SLC2A13: variants seen among roughly 807,000 people sequenced by gnomAD.
SLC2A13 encodes solute carrier family 2 member 13.
In SLC2A13, 32 loss-of-function variants were observed where a neutral mutation model predicts 64.4. The ratio of observed to expected loss-of-function variants is 0.50; its 90% confidence interval spans 0.37 to 0.67. The LOEUF is 0.67. Ranked by LOEUF, SLC2A13 falls within the 30% of genes least tolerant of loss-of-function variation. The probability of loss-of-function intolerance (pLI) is 0.00; values close to 1 mark genes in which losing one functional copy is unlikely to be tolerated. For missense variants in SLC2A13, 743 were observed against 829.2 expected, an observed-to-expected ratio of 0.90 and a Z score of 1.28; for synonymous variants, 338 against 327.1, an observed-to-expected ratio of 1.03 and a Z score of -0.36.
At chr12:39,837,799 T>A (rs1357386331) in intron 6 of SLC2A13, among the ~76,000 whole-genome samples, 1 of 152,162 alleles carries the variant, frequency 6.6e-6, no homozygotes, top group East Asian at 1.9e-4. Context: ...AGATACCATC[T>A]CACACCAGTT....
chr12:39,897,968 G>A (rs187085582), intron 4 of SLC2A13, among the ~76,000 whole-genome samples: 28 of 151,974 alleles, frequency 1.8e-4, no homozygotes, highest in Admixed American at 1.1e-3. Flanking sequence ...TTTATTATAT[G>A]CTTGGCACAT....
At chr12:39,790,376 C>T (rs1411170457) in intron 7 of SLC2A13, among the ~76,000 whole-genome samples, 2 of 119,820 alleles carry the variant, frequency 1.7e-5, no homozygotes, top group South Asian at 6.6e-4. Flanking sequence ...CCCCCTCCCC[C>T]CACCCCACCA....
chr12:39,800,161 T>C (rs1312521014), intron 7 of SLC2A13, among the ~76,000 whole-genome samples: 1 of 152,204 alleles, frequency 6.6e-6, no homozygotes, highest in Non-Finnish European at 1.5e-5. Context: ...TAATATAACT[T>C]TAAATCCTTG....
At chr12:40,081,842 T>C (rs1938413660) in intron 1 of SLC2A13, among the ~76,000 whole-genome samples, 1 of 152,244 alleles carries the variant, frequency 6.6e-6, no homozygotes, top group Admixed American at 6.5e-5. Flanking sequence ...CTGTCCTTCA[T>C]ATAGGGCTTT....
intron 7 of SLC2A13, among the ~76,000 whole-genome samples, chr12:39,787,998 G>A (rs767862871): frequency 6.6e-6 from 1 of 152,124 alleles, no homozygotes; most frequent in Non-Finnish European, 1.5e-5. Flanking sequence ...CAAGGAATGA[G>A]AATGTAGTAA....
intron 1 of SLC2A13, among the ~76,000 whole-genome samples, chr12:40,085,040 C>T (rs12300008): frequency 0.014 from 2,086 of 152,220 alleles, 48 homozygotes; most frequent in African/African-American, 0.046. Flanking sequence ...GATTATGACA[C>T]TTCTTTAAAA....
chr12:40,046,496 T>C (rs1948173349), intron 2 of SLC2A13, among the ~76,000 whole-genome samples: 1 of 152,212 alleles, frequency 6.6e-6, no homozygotes, highest in Non-Finnish European at 1.5e-5. Flanking sequence ...TTTAACAAAA[T>C]ATAAATTGAT....
chr12:39,919,003 G>A (rs1945568567), intron 4 of SLC2A13, among the ~76,000 whole-genome samples: 1 of 151,412 alleles, frequency 6.6e-6, no homozygotes, highest in Non-Finnish European at 1.5e-5. Flanking sequence ...AAGAGACAAG[G>A]TCTTGCTCTG....
At chr12:39,886,674 G>C (rs915213049) in intron 4 of SLC2A13, among the ~76,000 whole-genome samples, 1 of 152,028 alleles carries the variant, frequency 6.6e-6, no homozygotes, top group Non-Finnish European at 1.5e-5. Context: ...TGTAGAATTG[G>C]TTTTAGAAAT....
intron 4 of SLC2A13, among the ~76,000 whole-genome samples, chr12:39,873,912 C>T (rs2135944134): frequency 6.6e-6 from 1 of 152,270 alleles, no homozygotes; most frequent in Middle Eastern, 3.4e-3. Flanking sequence ...GGTTAGGTAA[C>T]ATAATCACTT....
chr12:39,882,483 A>T (rs1944364270), intron 4 of SLC2A13, among the ~76,000 whole-genome samples: 1 of 152,178 alleles, frequency 6.6e-6, no homozygotes, highest in Non-Finnish European at 1.5e-5. Context: ...ATTTACATCT[A>T]GCAGCTGAAA....
At chr12:39,825,876 T>C (rs959133003) in intron 7 of SLC2A13, among the ~76,000 whole-genome samples, 4 of 152,150 alleles carry the variant, frequency 2.6e-5, no homozygotes, top group African/African-American at 9.6e-5. Flanking sequence ...TGTTTAGTTA[T>C]TAATTTTAAC....
chr12:39,937,877 T>C (rs1945943062), intron 4 of SLC2A13, among the ~76,000 whole-genome samples: 1 of 152,110 alleles, frequency 6.6e-6, no homozygotes, highest in Non-Finnish European at 1.5e-5. Context: ...TTGACATAAA[T>C]CTAAGATGAA....
intron 3 of SLC2A13, among the ~76,000 whole-genome samples, chr12:39,986,546 C>T (rs1174686231): frequency 6.6e-6 from 1 of 151,700 alleles, no homozygotes; most frequent in Non-Finnish European, 1.5e-5. Context: ...AAAAGGCACA[C>T]AAAATACAAT....
intron 1 of SLC2A13, among the ~76,000 whole-genome samples, chr12:40,102,783 A>G (rs916084272): frequency 2.6e-5 from 4 of 152,238 alleles, no homozygotes; most frequent in Non-Finnish European, 4.4e-5. Context: ...TGCTCATGTT[A>G]GGAACCCATT....
intron 6 of SLC2A13, among the ~76,000 whole-genome samples, chr12:39,846,755 C>T (rs1021032290): frequency 2.6e-5 from 4 of 152,078 alleles, no homozygotes; most frequent in Non-Finnish European, 5.9e-5. Flanking sequence ...CCCAGCCTCA[C>T]TTAATTTGTT....
intron 4 of SLC2A13, among the ~76,000 whole-genome samples, chr12:39,877,156 T>A (rs1386763101): frequency 6.6e-6 from 1 of 152,184 alleles, no homozygotes; most frequent in Non-Finnish European, 1.5e-5. Flanking sequence ...ACTCTATTAG[T>A]CTGCTCTTAT....
chr12:39,923,119 C>T (rs1945643930), intron 4 of SLC2A13, among the ~76,000 whole-genome samples: 1 of 151,772 alleles, frequency 6.6e-6, no homozygotes, highest in Non-Finnish European at 1.5e-5. Context: ...TTTAGATAAG[C>T]TAGTCTTATC....
chr12:39,980,195 A>C (rs1163310393), intron 3 of SLC2A13, among the ~76,000 whole-genome samples: 1 of 152,016 alleles, frequency 6.6e-6, no homozygotes, highest in Non-Finnish European at 1.5e-5. Flanking sequence ...GAAAGGAACA[A>C]CCAGTACCAG....
Sources: allele counts gnomAD v4.1 joint callset (sites outside exome capture counted in the v4.1 genomes callset), GRCh38; gene constraint gnomAD v4.1.1; transcripts MANE v1.5; gene names NCBI Gene and HGNC (gene_info 2026-07-23, HGNC 2026-07-21).